The following IRAK3 variants were observed in gnomAD, a reference collection of about 807,000 sequenced individuals.
The protein encoded by IRAK3 is interleukin 1 receptor associated kinase 3, also known as interleukin-1 receptor-associated kinase 3.
Under a neutral mutation model 56.6 loss-of-function variants are expected in IRAK3, and 57 were observed. The observed-to-expected ratio is 1.01, with a 90% confidence interval of 0.81 to 1.26. The LOEUF is 1.26. Among genes scored for constraint, IRAK3 ranks in the 50% most tolerant of loss-of-function variants. The pLI is 0.00. For synonymous variants in IRAK3, 258 were observed against 255.7 expected, an observed-to-expected ratio of 1.01 and a Z score of -0.09; for missense variants, 703 against 719.0, an observed-to-expected ratio of 0.98 and a Z score of 0.25.
At chr12:66,236,938 T>C (rs573104629) in intron 8 of IRAK3, among the ~76,000 whole-genome samples, 1 of 152,096 alleles carries the variant, frequency 6.6e-6, no homozygotes, top group Non-Finnish European at 1.5e-5. Flanking sequence ...CCTGTTTTTC[T>C]GAAACACCCT....
chr12:66,226,920 G>C, intron 7 of IRAK3, 83 bp downstream of exon 7: 2 of 839,608 alleles, frequency 2.4e-6, no homozygotes, highest in Non-Finnish European at 4.1e-6. Flanking sequence ...GGAGAGTTGG[G>C]AGGCAAGATG....
At position 66,189,299 on chromosome 12, in the gene IRAK3, C is replaced by G; in HGVS notation, c.-1C>G. ...GTCCCCGGGGCTCGGGCAGCCGAGCCATGGCGGGGAACTGTGGGGCCCGCG... is the reference window on the plus strand; with the variant it reads ...GTCCCCGGGGCTCGGGCAGCCGAGCGATGGCGGGGAACTGTGGGGCCCGCG... On this transcript the variant is annotated 5_prime_UTR_variant, in exon 1 of 12. Coordinates refer to ENST00000261233, the MANE Select transcript of IRAK3 (RefSeq NM_007199.3). The G allele has an allele frequency of 6.5e-7, 1 of 1,536,310 alleles. No individual in the cohort carries two copies. The highest frequency in any genetic ancestry group is 8.7e-7 in the Non-Finnish European group (1 of 1,147,760).
chr12:66,239,935 C>T lies in IRAK3; in HGVS notation c.888-4551C>T, dbSNP rs548144235. On this transcript the variant is annotated intron_variant, in intron 8 of 11. Coordinates refer to ENST00000261233, the MANE Select transcript of IRAK3 (RefSeq NM_007199.3). ...GGAAAATACGTTTGCCCAGAACTTCCTGGAACTATTTGAAACTCAGCCAAT... is the reference window on the plus strand; with the variant it reads ...GGAAAATACGTTTGCCCAGAACTTCTTGGAACTATTTGAAACTCAGCCAAT... Among the ~76,000 whole-genome samples, 8 of 151,772 alleles carry T rather than the reference C, an allele frequency of 5.3e-5. 1 individual carries two copies. The South Asian group carries it at 1.7e-3, about 31-fold the overall frequency.
At chr12:66,246,370 A>T (rs1249906119) in intron 11 of IRAK3, among the ~76,000 whole-genome samples, 8 of 152,218 alleles carry the variant, frequency 5.3e-5, no homozygotes, top group Admixed American at 6.5e-5. Flanking sequence ...TCCATGACAG[A>T]GGGACATGAA....
rs1181637455 is a variant in IRAK3, at chr12:66,250,687, C to T, written c.*2516C>T. The T allele has an allele frequency of 6.6e-6, 1 of 152,266 alleles. No homozygotes were observed. Among genetic ancestry groups the T allele is most frequent in the African/African-American group, 2.4e-5 (1 of 41,466 alleles). 9.4% of individuals were successfully genotyped at this position (152,266 alleles called of 1,614,324 possible). Reference sequence around the variant, plus strand: ...GGGTCATTAAGGAAGCTCTGATTAACACCAGGCCCATGCAGTTACTCCGCA... The same window carrying T: ...GGGTCATTAAGGAAGCTCTGATTAATACCAGGCCCATGCAGTTACTCCGCA... On this transcript the variant is annotated 3_prime_UTR_variant, in exon 12 of 12. Transcript: ENST00000261233.
chr12:66,243,878 C>T (rs1202041302), intron 8 of IRAK3, among the ~76,000 whole-genome samples: 1 of 152,182 alleles, frequency 6.6e-6, no homozygotes, highest in East Asian at 1.9e-4. Context: ...TCAGATGATT[C>T]TTAAGGTTTT....
chr12:66,248,231 A>G lies in IRAK3; in HGVS notation c.*60A>G. The G allele has an allele frequency of 1.6e-6, 2 of 1,247,094 alleles. No homozygotes were observed. Among genetic ancestry groups the G allele is most frequent in the Non-Finnish European group, 2.3e-6 (2 of 853,408 alleles). 77.3% of individuals were successfully genotyped at this position (1,247,094 alleles called of 1,614,324 possible). A position where few individuals can be genotyped will look rare whatever the true frequency, so the allele number is the denominator to read the frequency against. On this transcript the variant is annotated 3_prime_UTR_variant, in exon 12 of 12. Coordinates refer to ENST00000261233, the MANE Select transcript of IRAK3 (RefSeq NM_007199.3). ...GCATAGGCACCTGAGCATAGGTATG[A>G]CCTTGGGAAGACATTGGCTCCATAA...
chr12:66,224,579 T>C (rs898993932), intron 6 of IRAK3, among the ~76,000 whole-genome samples: 6 of 152,216 alleles, frequency 3.9e-5, no homozygotes, highest in African/African-American at 1.4e-4. Flanking sequence ...GAATGTGGCT[T>C]CTGATTCCTT....
intron 9 of IRAK3, 114 bp downstream of exon 9, chr12:66,244,798 C>G (rs2053010584): frequency 9.3e-7 from 1 of 1,080,568 alleles, no homozygotes; most frequent in South Asian, 1.3e-5. Context: ...GTTAGCTCAT[C>G]TTATATATTA....
intron 1 of IRAK3, chr12:66,197,843 C>T (rs2052469531): frequency 2.0e-6 from 2 of 985,254 alleles, no homozygotes; most frequent in Non-Finnish European, 2.4e-6. Context: ...AGCAGTTTCT[C>T]AGCCAAGTCA....
chr12:66,209,594 G>A, intron 3 of IRAK3, 74 bp downstream of exon 3: 1 of 969,134 alleles, frequency 1.0e-6, no homozygotes. Flanking sequence ...AATGAAATTA[G>A]CAGGCAGAAA....
intron 5 of IRAK3, 51 bp from the exon 6 acceptor site, chr12:66,217,120 C>T (rs763355304): frequency 3.7e-6 from 5 of 1,354,364 alleles, no homozygotes; most frequent in Non-Finnish European, 4.2e-6. Context: ...GTTAAGAATC[C>T]CAGAAACAGA....
chr12:66,229,316 C>G (rs887844610), intron 8 of IRAK3, among the ~76,000 whole-genome samples: 2 of 152,126 alleles, frequency 1.3e-5, no homozygotes, highest in Middle Eastern at 3.4e-3. Context: ...GAGTAAATAC[C>G]CCCTGTCGGT....
At chr12:66,225,392 T>C (rs1024852708) in intron 6 of IRAK3, among the ~76,000 whole-genome samples, 1 of 150,976 alleles carries the variant, frequency 6.6e-6, no homozygotes, top group African/African-American at 2.4e-5. Context: ...TATGTATACA[T>C]ACACACACAC....
intron 1 of IRAK3, chr12:66,198,344 C>T (rs972925807): frequency 5.2e-5 from 8 of 152,696 alleles, no homozygotes; most frequent in Non-Finnish European, 7.3e-5. Flanking sequence ...TTTTCTTTAA[C>T]GTGAACACTC....
intron 8 of IRAK3, among the ~76,000 whole-genome samples, chr12:66,241,559 T>C (rs979018475): frequency 6.6e-6 from 1 of 152,246 alleles, no homozygotes; most frequent in African/African-American, 2.4e-5. Context: ...AATTGATCGT[T>C]GAAGGGCCTT....
intron 1 of IRAK3, chr12:66,196,823 CT>C (rs2052458051): frequency 2.8e-6 from 4 of 1,421,252 alleles, no homozygotes; most frequent in Non-Finnish European, 3.7e-6. Flanking sequence ...AAAAAATTGT[CT>C]AATTTTTTGC....
chr12:66,216,822 G>A (rs1230796160), intron 5 of IRAK3, among the ~76,000 whole-genome samples: 1 of 152,140 alleles, frequency 6.6e-6, no homozygotes, highest in African/African-American at 2.4e-5. Flanking sequence ...ACACAAGTTG[G>A]ATTCTTTATA....
chr12:66,224,182 TGA>T (rs2052763618), intron 6 of IRAK3, among the ~76,000 whole-genome samples: 1 of 152,238 alleles, frequency 6.6e-6, no homozygotes. Flanking sequence ...TTAATCCTCA[TGA>T]CCATCCAATG....
Sources: allele counts gnomAD v4.1 joint callset (sites outside exome capture counted in the v4.1 genomes callset), GRCh38; gene constraint gnomAD v4.1.1; transcripts MANE v1.5; gene names NCBI Gene and HGNC (gene_info 2026-07-23, HGNC 2026-07-21).